RAG1: variants seen among roughly 807,000 people sequenced by gnomAD.
The protein encoded by RAG1 is recombination activating 1, also known as V(D)J recombination-activating protein 1.
Under a neutral mutation model 62.7 loss-of-function variants are expected in RAG1, and 35 were observed. That is an observed-to-expected ratio of 0.56 (90% CI 0.43 to 0.74). The LOEUF (loss-of-function observed/expected upper bound fraction) is 0.74. RAG1 is among the 30% of genes least tolerant of loss of function. The pLI is 0.00. For missense variants in RAG1, 1,169 were observed against 1,278.6 expected, an observed-to-expected ratio of 0.91 and a Z score of 1.31; for synonymous variants, 461 against 470.3, an observed-to-expected ratio of 0.98 and a Z score of 0.26.
rs758914667 is a variant in RAG1 at position 36,576,460 on chromosome 11, G to GT, written c.*29dup. 1 of 1,613,516 alleles carries GT rather than the reference G, an allele frequency of 6.2e-7. No homozygotes were observed. Among genetic ancestry groups the GT allele is most frequent in the East Asian group, 2.2e-5 (1 of 44,882 alleles). ...AAGTAGGGCAACCACTTATGAGTTG[G>GT]TTTTTGCAATTGAGTTTCCCTCTGG... On this transcript the variant is annotated 3_prime_UTR_variant, in exon 2 of 2. Coordinates refer to ENST00000299440, the MANE Select transcript of RAG1 (RefSeq NM_000448.3).
intron 1 of RAG1, among the ~76,000 whole-genome samples, chr11:36,513,046 G>T (rs1337578667): frequency 2.6e-5 from 4 of 152,174 alleles, no homozygotes; most frequent in Admixed American, 1.3e-4. Flanking sequence ...CCATTATCAT[G>T]CGAGTGAATT....
intron 1 of RAG1, among the ~76,000 whole-genome samples, chr11:36,519,898 A>G (rs1362596464): frequency 6.6e-6 from 1 of 152,278 alleles, no homozygotes; most frequent in Non-Finnish European, 1.5e-5. Context: ...ATTATAAAAT[A>G]AAAAGTAAAA....
At chr11:36,561,792 C>G (rs566894084) in intron 3 of RAG1, among the ~76,000 whole-genome samples, 2 of 152,314 alleles carry the variant, frequency 1.3e-5, no homozygotes, top group African/African-American at 2.4e-5. Flanking sequence ...TCCTTAGTCT[C>G]TAGCTTGTGG....
chr11:36,567,076 T>C (rs1850671277), upstream of RAG1, among the ~76,000 whole-genome samples: 1 of 152,218 alleles, frequency 6.6e-6, no homozygotes, highest in African/African-American at 2.4e-5. Flanking sequence ...CATTCTTGAA[T>C]TATCCTTAGA....
intron 3 of RAG1, among the ~76,000 whole-genome samples, chr11:36,559,232 C>T (rs1166714839): frequency 6.6e-6 from 1 of 152,060 alleles, no homozygotes; most frequent in Non-Finnish European, 1.5e-5. Flanking sequence ...TGAAGATTCC[C>T]TTATATTTGA....
intron 1 of RAG1, among the ~76,000 whole-genome samples, chr11:36,518,175 A>C: frequency 6.6e-6 from 1 of 151,836 alleles, no homozygotes. Context: ...GAAACTCATC[A>C]TTTTTTATGG....
At chr11:36,517,813 C>T (rs954540362) in intron 1 of RAG1, among the ~76,000 whole-genome samples, 6 of 152,188 alleles carry the variant, frequency 3.9e-5, no homozygotes, top group African/African-American at 1.4e-4. Context: ...TAACAAACAA[C>T]ATGAGAGTGT....
intron 3 of RAG1, among the ~76,000 whole-genome samples, chr11:36,542,403 T>G (rs1409278066): frequency 6.6e-6 from 1 of 152,156 alleles, no homozygotes; most frequent in African/African-American, 2.4e-5. Flanking sequence ...TCCTCTTTCC[T>G]TCTACACACA....
chr11:36,550,371 G>GA (rs1298841423), intron 3 of RAG1, among the ~76,000 whole-genome samples: 3 of 151,778 alleles, frequency 2.0e-5, no homozygotes, highest in African/African-American at 7.3e-5. Flanking sequence ...TACCCTAAGA[G>GA]AAAAAAAGAG....
chr11:36,542,984 T>C (rs1041472017), intron 3 of RAG1, among the ~76,000 whole-genome samples: 2 of 152,210 alleles, frequency 1.3e-5, no homozygotes, highest in African/African-American at 4.8e-5. Flanking sequence ...CCCCATCAAC[T>C]CAAAGGCAGG....
chr11:36,560,854 T>G (rs1850573752), intron 3 of RAG1, among the ~76,000 whole-genome samples: 1 of 152,214 alleles, frequency 6.6e-6, no homozygotes, highest in Non-Finnish European at 1.5e-5. Context: ...TTCTCTATAC[T>G]GCCATCTTGA....
At chr11:36,519,425 C>T (rs1860044630) in intron 1 of RAG1, among the ~76,000 whole-genome samples, 1 of 152,142 alleles carries the variant, frequency 6.6e-6, no homozygotes, top group African/African-American at 2.4e-5. Context: ...ACACATCAAG[C>T]ATTTTTATTT....
chr11:36,572,952 T>C (rs943628570), intron 1 of RAG1, among the ~76,000 whole-genome samples: 2 of 152,170 alleles, frequency 1.3e-5, no homozygotes, highest in African/African-American at 4.8e-5. Flanking sequence ...AAATAACTAT[T>C]GAGCACCTAA....
chr11:36,539,459 G>T (rs909081424), downstream of RAG1, among the ~76,000 whole-genome samples: 1 of 152,120 alleles, frequency 6.6e-6, no homozygotes, highest in African/African-American at 2.4e-5. Flanking sequence ...GACTTCTTCT[G>T]GGGATCTTGC....
chr11:36,529,853 T>A lies in RAG1; in HGVS notation n.429-6106T>A, dbSNP rs1356455052. Among the ~76,000 whole-genome samples the A allele has an allele frequency of 4.0e-5, 6 of 149,148 alleles. No individual in the cohort carries two copies. The East Asian group carries it at 1.2e-3, about 29-fold the overall frequency. On this transcript the variant is annotated intron_variant and non_coding_transcript_variant, in intron 2 of 2. Transcript: ENST00000529126. ...GCTTTACAGAATGAATTGGGAATGG[T>A]TTTTTTTTTCTCTTATTTTCCGGAA...
chr11:36,534,967 G>A (rs1157887820), intron 2 of RAG1, among the ~76,000 whole-genome samples: 2 of 152,004 alleles, frequency 1.3e-5, no homozygotes, highest in Non-Finnish European at 1.5e-5. Flanking sequence ...TAGCCATTTA[G>A]GGTTATGTTT....
chr11:36,535,890 C>T (rs1284168776), intron 2 of RAG1: 1 of 151,756 alleles, frequency 6.6e-6, no homozygotes, highest in Non-Finnish European at 1.5e-5. Flanking sequence ...TATCATTAAC[C>T]CATGAAAAAT....
Position 36,574,102 on chromosome 11 carries a change from C to T in RAG1, c.798C>T (p.Ile266=), listed in dbSNP as rs141654332. 13 of 1,614,156 alleles carry T rather than the reference C, an allele frequency of 8.1e-6. No homozygotes were observed. Among genetic ancestry groups the T allele is most frequent in the African/African-American group, 1.3e-5 (1 of 75,024 alleles). Residue 266 remains isoleucine (I), a synonymous_variant, in exon 2 of 2, where the codon ATC becomes ATT. Transcript: ENST00000299440. ...RISSKDVMKK[I]ANCSKIHLST... ...GCAGCAAGGATGTCATGAAGAAGAT[C>T]GCCAACTGCAGTAAGATACATCTTA... is the stretch of plus-strand genomic sequence containing the variant.
intron 2 of RAG1, among the ~76,000 whole-genome samples, chr11:36,528,016 A>C (rs1860191988): frequency 6.6e-6 from 1 of 152,148 alleles, no homozygotes; most frequent in African/African-American, 2.4e-5. Context: ...TGTCATCTAC[A>C]AAGAGGCTTA....
Sources: allele counts gnomAD v4.1 joint callset (sites outside exome capture counted in the v4.1 genomes callset), GRCh38; gene constraint gnomAD v4.1.1; transcripts MANE v1.5; gene names NCBI Gene and HGNC (gene_info 2026-07-23, HGNC 2026-07-21).